Variants in NEBL observed in about 807,000 individuals in gnomAD.
NEBL encodes nebulette.
A neutral mutation model predicts 140.2 loss-of-function variants in NEBL; 122 were observed. The observed-to-expected ratio is 0.87, with a 90% CI of 0.75 to 1.01. The LOEUF is 1.01. Ranked by LOEUF, NEBL falls within the 50% of genes least tolerant of loss-of-function variation. NEBL has a pLI of 0.00. For synonymous variants in NEBL, 436 were observed against 398.9 expected (o/e 1.09, Z -1.11); for missense variants, 1,365 against 1,231.3 (o/e 1.11, Z -1.62).
intron 2 of NEBL, among the ~76,000 whole-genome samples, chr10:21,157,279 C>T (rs1289537899): frequency 2.0e-5 from 3 of 151,910 alleles, no homozygotes; most frequent in African/African-American, 7.3e-5. Context: ...AAAAAATTAA[C>T]AGCATTTAAG....
intron 2 of NEBL, among the ~76,000 whole-genome samples, chr10:21,136,828 A>G (rs1442093891): frequency 2.6e-5 from 4 of 152,164 alleles, no homozygotes; most frequent in Non-Finnish European, 5.9e-5. Context: ...ATTAATTCCT[A>G]TCTAGAGCAA....
At chr10:21,115,172 A>G (rs904626589) in intron 2 of NEBL, among the ~76,000 whole-genome samples, 1 of 152,008 alleles carries the variant, frequency 6.6e-6, no homozygotes, top group African/African-American at 2.4e-5. Flanking sequence ...TAATAACTTC[A>G]TGACACTTTT....
chr10:20,872,273 T>C (rs1418353666), intron 5 of NEBL, among the ~76,000 whole-genome samples: 1 of 151,996 alleles, frequency 6.6e-6, no homozygotes, highest in Non-Finnish European at 1.5e-5. Flanking sequence ...TCAAAACAAA[T>C]ATTAAGATTG....
intron 3 of NEBL, among the ~76,000 whole-genome samples, chr10:20,972,569 C>A (rs979818528): frequency 1.3e-5 from 2 of 151,962 alleles, no homozygotes; most frequent in Admixed American, 1.3e-4. Context: ...ATGGTGAAAC[C>A]CTGTCTCTAC....
chr10:20,802,107 T>A (rs1292730309), intron 26 of NEBL, among the ~76,000 whole-genome samples: 1 of 152,126 alleles, frequency 6.6e-6, no homozygotes, highest in Non-Finnish European at 1.5e-5. Context: ...CAAGTTCAAA[T>A]CAAGGCAGGT....
At chr10:20,825,880 G>C (rs962066534) in intron 18 of NEBL, among the ~76,000 whole-genome samples, 2 of 152,208 alleles carry the variant, frequency 1.3e-5, no homozygotes, top group African/African-American at 4.8e-5. Context: ...ACAATTTATA[G>C]TGAAGATGTG....
intron 11 of NEBL, 116 bp downstream of exon 11, chr10:20,850,279 T>A: frequency 1.2e-6 from 1 of 853,830 alleles, no homozygotes; most frequent in Non-Finnish European, 2.0e-6. Flanking sequence ...AAGCAGGTCC[T>A]TGAATCTGCC....
At chr10:21,049,115 A>G (rs575124739) in intron 2 of NEBL, among the ~76,000 whole-genome samples, 1 of 152,244 alleles carries the variant, frequency 6.6e-6, no homozygotes, top group Non-Finnish European at 1.5e-5. Context: ...AATGAGACTT[A>G]CCCACATTAT....
intron 3 of NEBL, chr10:20,961,836 T>A (rs1040307521): frequency 1.5e-6 from 2 of 1,339,966 alleles, no homozygotes; most frequent in African/African-American, 1.4e-5. Context: ...CCACTCGGGA[T>A]AGGCTGGGCC....
chr10:21,275,453 T>A (rs1054720547), intron 1 of NEBL, among the ~76,000 whole-genome samples: 8 of 152,198 alleles, frequency 5.3e-5, no homozygotes, highest in Admixed American at 5.2e-4. Flanking sequence ...TTCCTCTCAC[T>A]GAGCCCGAGT....
chr10:21,207,015 C>T (rs1589328780), intron 3 of NEBL, among the ~76,000 whole-genome samples: 2 of 145,846 alleles, frequency 1.4e-5, no homozygotes, highest in Non-Finnish European at 3.0e-5. Context: ...GCTCTATAGC[C>T]CAGGCTAGAG....
chr10:20,867,697 TG>T (rs1468694950), intron 7 of NEBL: 1 of 152,156 alleles, frequency 6.6e-6, no homozygotes, highest in Non-Finnish European at 1.5e-5. Flanking sequence ...AATTCATTTT[TG>T]TATATGGTTT....
chr10:21,209,102 G>A (rs1362686015), intron 3 of NEBL, among the ~76,000 whole-genome samples: 1 of 152,192 alleles, frequency 6.6e-6, no homozygotes, highest in Admixed American at 6.5e-5. Context: ...CTGTCTCCCA[G>A]TTGCAAGATG....
chr10:21,063,932 T>A (rs906939808), intron 2 of NEBL, among the ~76,000 whole-genome samples: 3 of 150,080 alleles, frequency 2.0e-5, no homozygotes, highest in African/African-American at 7.4e-5. Flanking sequence ...ATTAGCAGAG[T>A]GTGGTGACAT....
At chr10:21,050,077 C>T (rs1181104275) in intron 2 of NEBL, among the ~76,000 whole-genome samples, 1 of 152,146 alleles carries the variant, frequency 6.6e-6, no homozygotes, top group Non-Finnish European at 1.5e-5. Flanking sequence ...AGGTCCTTTT[C>T]ATCTCTAAGT....
chr10:20,819,467 G>A lies in NEBL; in HGVS notation c.2012C>T (p.Pro671Leu), dbSNP rs770107953. 57 of 1,613,824 alleles carry A rather than the reference G, an allele frequency of 3.5e-5. No homozygotes were observed. Among genetic ancestry groups the A allele is most frequent in the South Asian group, 3.2e-4 (29 of 91,072 alleles). ...NYKATPVSMT[P>L]EIERVRRNQE... ...GTTTCGCCTCACTCTCTCTATCTCC[G>A]GGGTCATGCTTACCGGAGTGGCCTT... is the stretch of plus-strand genomic sequence containing the variant. Residue 671 changes from proline to leucine, a missense_variant, in exon 20 of 28, where the codon CCG becomes CTG. Transcript: ENST00000377122.
Position 21,217,007 on chromosome 10 carries a change from A to G in NEBL, n.348+30914T>C, listed in dbSNP as rs11012582. Among the ~76,000 whole-genome samples, 369 of 151,576 alleles carry G rather than the reference A, an allele frequency of 2.4e-3. 2 individuals carry two copies. Among genetic ancestry groups the G allele is most frequent in the African/African-American group, 8.6e-3 (354 of 41,194 alleles). On this transcript the variant is annotated intron_variant and non_coding_transcript_variant, in intron 3 of 8. Transcript: ENST00000675702. ...AGTCTCGAAGAAAAAAAAAAATCAT[A>G]CTTTTGCTAATTTTACTAAACTACT... is the stretch of plus-strand genomic sequence containing the variant.
At chr10:20,858,701 G>C (rs1263025412) in intron 8 of NEBL, among the ~76,000 whole-genome samples, 1 of 152,110 alleles carries the variant, frequency 6.6e-6, no homozygotes, top group Non-Finnish European at 1.5e-5. Context: ...GGAGATCTGA[G>C]GATTTTGATG....
At chr10:20,826,640 A>C (rs1839904902) in intron 17 of NEBL, 101 bp from the exon 18 acceptor site, 1 of 840,134 alleles carries the variant, frequency 1.2e-6, no homozygotes, top group South Asian at 1.4e-5. Context: ...TAATAATATG[A>C]ATACTGCATC....
Sources: gnomAD v4.1 joint callset for allele counts (sites outside exome capture counted in the v4.1 genomes callset) on GRCh38, gnomAD v4.1.1 for gene constraint, MANE v1.5 for transcripts, NCBI Gene and HGNC (gene_info 2026-07-23, HGNC 2026-07-21) for gene names.